CRAMP1: variants seen among roughly 807,000 people sequenced by gnomAD.
The protein encoded by CRAMP1 is protein cramped-like.
CRAMP1 carries 50 observed loss-of-function variants against 115.4 expected under a neutral mutation model. The ratio of observed to expected loss-of-function variants is 0.43; its 90% CI spans 0.35 to 0.55. The LOEUF is 0.55. CRAMP1 is among the 20% of genes least tolerant of loss of function. The pLI, the probability that CRAMP1 is intolerant of heterozygous loss-of-function variation, is 0.01. For synonymous variants in CRAMP1, 866 were observed against 745.4 expected, an observed-to-expected ratio of 1.16 and a Z score of -2.64; for missense variants, 1,679 against 1,721.7, an observed-to-expected ratio of 0.98 and a Z score of 0.44.
intron 4 of CRAMP1, among the ~76,000 whole-genome samples, chr16:1,632,975 A>T (rs1373592829): frequency 6.6e-6 from 1 of 152,176 alleles, no homozygotes; most frequent in Admixed American, 6.5e-5. Context: ...GCCTATGAGA[A>T]CTACCTCTCC....
chr16:1,623,788 C>T (rs183099955), intron 2 of CRAMP1, among the ~76,000 whole-genome samples: 18 of 152,282 alleles, frequency 1.2e-4, no homozygotes, highest in East Asian at 9.6e-4. Flanking sequence ...CCATCATCTG[C>T]GGAAGCACCA....
At position 1,614,896 on chromosome 16, in the gene CRAMP1, G is replaced by T; in HGVS notation, c.257G>T (p.Ser86Ile). ...GACCAGCACCACTTCCTCCGGTCCAGCGTGCGGCCGCAGAGCAAGAGGCCC... is the reference window on the plus strand; with the variant it reads ...GACCAGCACCACTTCCTCCGGTCCATCGTGCGGCCGCAGAGCAAGAGGCCC... ...PQDQHHFLRS[S>I]VRPQSKRPRK... Residue 86 changes from serine to isoleucine, a missense_variant, in exon 2 of 21, where the codon AGC becomes ATC. Physicochemically the swap from Ser to Ile is moderately radical, Grantham distance 142. Transcript: ENST00000397412. This position sits in a 1 kb window ranked among gnomAD's most constrained non-coding sequence, Gnocchi z 4.4. 1.5e-6 allele frequency: 2 copies of T among 1,326,626 alleles called. No homozygotes were observed. Among genetic ancestry groups the T allele is most frequent in the East Asian group, 3.1e-5 (1 of 32,738 alleles). The allele number at this position is 1,326,626 out of a possible 1,614,324, so 82.2% of individuals were successfully genotyped here. A position where few individuals can be genotyped will look rare whatever the true frequency, so the allele number is the denominator to read the frequency against.
chr16:1,640,485 A>G (rs2036622905), intron 5 of CRAMP1, among the ~76,000 whole-genome samples: 1 of 152,298 alleles, frequency 6.6e-6, no homozygotes, highest in South Asian at 2.1e-4. Flanking sequence ...TTTTTTCCCT[A>G]AAACATGCAG....
At chr16:1,650,598 G>C (rs962057284) in intron 6 of CRAMP1, among the ~76,000 whole-genome samples, 1 of 152,136 alleles carries the variant, frequency 6.6e-6, no homozygotes, top group African/African-American at 2.4e-5. Flanking sequence ...TTTTTTCTTA[G>C]TGAATTTACA....
rs760676080 is a variant in CRAMP1, at chr16:1,672,478, G to C, written c.3646-1403G>C. 6.6e-6 allele frequency among the ~76,000 whole-genome samples: 1 copy of C among 152,090 alleles called. No individual in the cohort carries two copies. The highest frequency in any genetic ancestry group is 1.5e-5 in the Non-Finnish European group (1 of 68,022). On this transcript the variant is annotated intron_variant, in intron 20 of 20. Transcript: ENST00000397412. The surrounding 1 kb of genome is among the most constrained non-coding windows in gnomAD (Gnocchi z 4.9). ...CTAGCATGAAGGGGGCGGGGGTGGA[G>C]CTGGGTGGCCCTGGGATGAAACGGG...
At chr16:1,632,667 C>T (rs2036556617) in intron 4 of CRAMP1, among the ~76,000 whole-genome samples, 1 of 152,242 alleles carries the variant, frequency 6.6e-6, no homozygotes, top group Admixed American at 6.5e-5. Context: ...CCTGGCTCAC[C>T]TGAAGCCTGT....
chr16:1,636,002 T>C lies in CRAMP1; in HGVS notation c.695-1822T>C, dbSNP rs141513563. ...TTTGTATGGCTGGATTATTTTCCTT[T>C]GGGTGGATGGCCACATTTTGCTTGT... On this transcript the variant is annotated intron_variant, in intron 4 of 20. Coordinates refer to ENST00000397412, the MANE Select transcript of CRAMP1 (RefSeq NM_020825.4). 5.7e-3 allele frequency among the ~76,000 whole-genome samples: 861 copies of C among 152,348 alleles called. 5 individuals are homozygous for C. The highest frequency in any genetic ancestry group is 0.02 in the African/African-American group (815 of 41,574).
Position 1,666,239 on chromosome 16 carries a change from C to T in CRAMP1, c.2857+62C>T. On this transcript the variant is annotated intron_variant, in intron 15 of 20. Transcript: ENST00000397412. This position sits in a 1 kb window ranked among gnomAD's most constrained non-coding sequence, Gnocchi z 5.0. ...AGCCTCTGAGGGATGTTTTTGTGACCAGGTTTTTTGAATGTTTTCTTCTCC... is the reference window on the plus strand; with the variant it reads ...AGCCTCTGAGGGATGTTTTTGTGACTAGGTTTTTTGAATGTTTTCTTCTCC... 7.6e-7 allele frequency: 1 copy of T among 1,314,104 alleles called. No individual in the cohort carries two copies. 81.4% of individuals were successfully genotyped at this position (1,314,104 alleles called of 1,614,324 possible). A position where few individuals can be genotyped will look rare whatever the true frequency, so the allele number is the denominator to read the frequency against.
rs775959380 is a variant in CRAMP1, at chr16:1,656,312, A to G, written c.1555A>G (p.Thr519Ala). ...CAGGCCTCCTCCCAGGCACCAGGAC[A>G]CTGGGCCATGTCTTGAGAAGACCCC... ...PDRPPPRHQD[T>A]GPCLEKTPAE... The change falls in exon 10 of 21, where the codon ACT (threonine) becomes GCT (alanine). Residue 519 changes from threonine to alanine, a missense_variant. Around this residue, in one of 8 missense-constraint regions of CRAMP1, gnomAD observed 405 missense variants for 302.6 expected, o/e 1.34. Transcript: ENST00000397412. The surrounding 1 kb of genome is among the most constrained non-coding windows in gnomAD (Gnocchi z 5.6). 3.5e-5 allele frequency: 56 copies of G among 1,611,736 alleles called. No homozygotes were observed. Among genetic ancestry groups the G allele is most frequent in the Non-Finnish European group, 4.5e-5 (53 of 1,179,546 alleles).
chr16:1,656,189 C>T lies in CRAMP1; in HGVS notation c.1432C>T (p.Pro478Ser). 6.2e-7 allele frequency: 1 copy of T among 1,602,172 alleles called. No individual in the cohort carries two copies. Among genetic ancestry groups the T allele is most frequent in the Non-Finnish European group, 8.5e-7 (1 of 1,174,932 alleles). Residue 478 changes from proline to serine, a missense_variant, in exon 10 of 21, where the codon CCT becomes TCT. Transcript: ENST00000397412. This position sits in a 1 kb window ranked among gnomAD's most constrained non-coding sequence, Gnocchi z 5.6. ...AEGKGVGRPPPAADALQSSGE... is the reference protein window; with the variant it reads ...AEGKGVGRPPSAADALQSSGE... ...GGGCAAGGGTGTGGGGCGGCCCCCT[C>T]CTGCGGCTGACGCCTTGCAGAGCTC...
At chr16:1,640,821 G>A (rs2036625384) in intron 5 of CRAMP1, among the ~76,000 whole-genome samples, 1 of 151,890 alleles carries the variant, frequency 6.6e-6, no homozygotes, top group Admixed American at 6.6e-5. Flanking sequence ...TGAGTGGAAG[G>A]CCGGCGCTGG....
chr16:1,649,163 G>A (rs949954007), intron 6 of CRAMP1, among the ~76,000 whole-genome samples: 1 of 152,182 alleles, frequency 6.6e-6, no homozygotes, highest in Non-Finnish European at 1.5e-5. Context: ...ACAGAAAGGG[G>A]GTGAGGGCAT....
rs186241304 is a variant in CRAMP1, at chr16:1,639,778, G to A, written c.779-1361G>A. On this transcript the variant is annotated intron_variant, in intron 5 of 20. Coordinates refer to ENST00000397412, the MANE Select transcript of CRAMP1 (RefSeq NM_020825.4). Reference sequence around the variant, plus strand: ...AAAGAAGGGGAGGGGGCGTTGCAAAGGGAATAGCGTGTCTGGTCCGTTTGT... The same window carrying A: ...AAAGAAGGGGAGGGGGCGTTGCAAAAGGAATAGCGTGTCTGGTCCGTTTGT... Among the ~76,000 whole-genome samples, 212 of 152,320 alleles carry A rather than the reference G, an allele frequency of 1.4e-3. 2 individuals are homozygous for A. The highest frequency in any genetic ancestry group is 1.4e-3 in the Non-Finnish European group (96 of 68,028).
At chr16:1,640,490 A>G (rs778683819) in intron 5 of CRAMP1, among the ~76,000 whole-genome samples, 1 of 152,208 alleles carries the variant, frequency 6.6e-6, no homozygotes, top group Admixed American at 6.5e-5. Flanking sequence ...TCCCTAAAAC[A>G]TGCAGAAGAA....
At position 1,655,234 on chromosome 16, in the gene CRAMP1, A is replaced by G; in HGVS notation, c.1053A>G (p.Leu351=). ...QNPRLRMIVE[L]HRKVSSLIEF... Reference sequence around the variant, plus strand: ...GTCTCCGTAGGATGATCGTGGAGCTACATCGAAAGGTCTCCAGCCTCATCG... The same window carrying G: ...GTCTCCGTAGGATGATCGTGGAGCTGCATCGAAAGGTCTCCAGCCTCATCG... Residue 351 remains leucine, a synonymous_variant, in exon 9 of 21, where the codon CTA becomes CTG. Transcript: ENST00000397412. The G allele has an allele frequency of 6.2e-7, 1 of 1,613,864 alleles. No homozygotes were observed. Among genetic ancestry groups the G allele is most frequent in the Non-Finnish European group, 8.5e-7 (1 of 1,179,744 alleles).
intron 19 of CRAMP1, among the ~76,000 whole-genome samples, chr16:1,670,253 C>T (rs539989045): frequency 2.6e-5 from 4 of 151,616 alleles, no homozygotes; most frequent in African/African-American, 9.7e-5. Context: ...AAGAGCGAGA[C>T]CCTGCCTTTA....
chr16:1,626,472 C>T, intron 3 of CRAMP1, among the ~76,000 whole-genome samples: 1 of 151,984 alleles, frequency 6.6e-6, no homozygotes, highest in East Asian at 1.9e-4. Context: ...GACTGAAGGC[C>T]CTCTTGTTTC....
chr16:1,615,813 C>G (rs1192513629), intron 2 of CRAMP1, among the ~76,000 whole-genome samples: 1 of 152,170 alleles, frequency 6.6e-6, no homozygotes, highest in Non-Finnish European at 1.5e-5. Flanking sequence ...GTTCGCAGCA[C>G]TTTGTATAAA....
At chr16:1,665,845 A>G (rs760358520) in intron 14 of CRAMP1, 10 of 550,262 alleles carry the variant, frequency 1.8e-5, no homozygotes, top group Non-Finnish European at 3.2e-5. Flanking sequence ...GCAGCCTTCC[A>G]GTAGCTCCTG....
Sources: gnomAD v4.1 joint callset for allele counts (sites outside exome capture counted in the v4.1 genomes callset) on GRCh38, gnomAD v4.1.1 for gene constraint, gnomAD v4.1.1 regional missense constraint, Gnocchi (gnomAD v3.1) non-coding constraint, MANE v1.5 for transcripts, NCBI Gene and HGNC (gene_info 2026-07-23, HGNC 2026-07-21) for gene names.